ATP8B4: variants seen among roughly 807,000 people sequenced by gnomAD.
ATP8B4 encodes ATPase phospholipid transporting 8B4 (putative), also known as probable phospholipid-transporting ATPase IM.
A neutral mutation model predicts 145.6 loss-of-function variants in ATP8B4; 133 were observed. The ratio of observed to expected loss-of-function variants is 0.91; its 90% CI spans 0.79 to 1.05. The LOEUF (loss-of-function observed/expected upper bound fraction) is 1.05. Among genes scored for constraint, ATP8B4 ranks in the 50% least tolerant of loss-of-function variants. ATP8B4 has a pLI of 0.00. For missense variants in ATP8B4, 1,458 were observed against 1,425.2 expected, an observed-to-expected ratio of 1.02 and a Z score of -0.37; for synonymous variants, 507 against 492.9, an observed-to-expected ratio of 1.03 and a Z score of -0.38.
intron 1 of ATP8B4, among the ~76,000 whole-genome samples, chr15:50,111,221 C>A (rs1323931509): frequency 6.6e-6 from 1 of 152,128 alleles, no homozygotes; most frequent in South Asian, 2.1e-4. Context: ...GATCTGAGGC[C>A]GTTCAGCAGT....
chr15:50,073,013 TATATATACACAC>T (rs1298534449), intron 3 of ATP8B4, among the ~76,000 whole-genome samples: 453 of 40,578 alleles, frequency 0.011, 13 homozygotes, highest in African/African-American at 0.014. Context: ...TATATATATA[TATATATACACAC>T]ACACACACAC....
intron 3 of ATP8B4, among the ~76,000 whole-genome samples, chr15:50,067,748 C>T (rs1449201325): frequency 1.3e-5 from 2 of 152,100 alleles, no homozygotes; most frequent in Non-Finnish European, 2.9e-5. Flanking sequence ...GCAGGCACGT[C>T]CTGTAGCATG....
intron 2 of ATP8B4, among the ~76,000 whole-genome samples, chr15:50,105,255 GAA>G (rs35342585): frequency 0.48 from 56,350 of 117,222 alleles, 12,875 homozygotes; most frequent in Middle Eastern, 0.65. Flanking sequence ...ACTGAAATTT[GAA>G]AAAAAAAAAA....
At chr15:50,076,994 C>G (rs936054863) in intron 2 of ATP8B4, among the ~76,000 whole-genome samples, 8 of 152,202 alleles carry the variant, frequency 5.3e-5, no homozygotes, top group Admixed American at 4.6e-4. Flanking sequence ...GAAAACAAAT[C>G]CCCCATAACT....
At chr15:50,124,713 C>T (rs369463284) in intron 1 of ATP8B4, among the ~76,000 whole-genome samples, 60 of 152,266 alleles carry the variant, frequency 3.9e-4, no homozygotes, top group African/African-American at 1.4e-3. Context: ...CTGAATATCC[C>T]TTTCAGTGCA....
chr15:50,179,335 T>G (rs749749576), intron 1 of ATP8B4, among the ~76,000 whole-genome samples: 17 of 152,182 alleles, frequency 1.1e-4, no homozygotes, highest in Non-Finnish European at 2.4e-4. Flanking sequence ...GCAGCCAACG[T>G]GCTAAGCTAT....
chr15:50,129,025 G>A (rs569604915), intron 1 of ATP8B4, among the ~76,000 whole-genome samples: 10 of 152,194 alleles, frequency 6.6e-5, no homozygotes, highest in Admixed American at 5.2e-4. Context: ...CTGAGATCGC[G>A]TCATTGCACT....
In ATP8B4 at chr15:49,860,133, A is replaced by G; in HGVS notation, c.*61T>C. The G allele has an allele frequency of 2.6e-6, 4 of 1,528,004 alleles. No individual in the cohort carries two copies. The highest frequency in any genetic ancestry group is 3.5e-6 in the Non-Finnish European group (4 of 1,134,676). 94.7% of individuals were successfully genotyped at this position (1,528,004 alleles called of 1,614,324 possible). On this transcript the variant is annotated 3_prime_UTR_variant, in exon 28 of 28. Transcript: ENST00000284509. ...GCCTCAAATCTCAAACTCTGGAGCC[A>G]GCAGAATTTCAGCTCCACCTGAAGT...
chr15:49,879,593 C>T, intron 23 of ATP8B4, 134 bp from the exon 24 acceptor site: 2 of 698,926 alleles, frequency 2.9e-6, no homozygotes, highest in Non-Finnish European at 4.7e-6. Context: ...TGAATTCTTT[C>T]CTAGACCTGC....
chr15:49,873,258 C>T (rs948042800), intron 25 of ATP8B4, among the ~76,000 whole-genome samples: 11 of 152,164 alleles, frequency 7.2e-5, no homozygotes, highest in African/African-American at 2.7e-4. Context: ...TTCCTTATGT[C>T]TTCTAGCCCA....
chr15:50,006,585 C>CAA (rs965442112), intron 7 of ATP8B4, among the ~76,000 whole-genome samples: 1 of 150,666 alleles, frequency 6.6e-6, no homozygotes, highest in Non-Finnish European at 1.5e-5. Flanking sequence ...CAAGAAAGAG[C>CAA]AAAAGCCCAC....
At chr15:50,029,255 A>AAC (rs2050252121) in intron 6 of ATP8B4, among the ~76,000 whole-genome samples, 1 of 141,164 alleles carries the variant, frequency 7.1e-6, no homozygotes, top group Non-Finnish European at 1.6e-5. Context: ...AAAAAAAAAA[A>AAC]AACAGAAAAA....
chr15:49,883,874 T>C lies in ATP8B4; in HGVS notation c.2698-4415A>G, dbSNP rs73396951. Among the ~76,000 whole-genome samples, 232 of 152,300 alleles carry C rather than the reference T, an allele frequency of 1.5e-3. 2 individuals are homozygous for C. Among genetic ancestry groups the C allele is most frequent in the African/African-American group, 5.3e-3 (221 of 41,566 alleles). ...AGGGGATCCATAATGTCAAAACTAT[T>C]TTCACAATAATACAAAAAGTTATGT... is the stretch of plus-strand genomic sequence containing the variant. On this transcript the variant is annotated intron_variant, in intron 23 of 27. Coordinates refer to ENST00000284509, the MANE Select transcript of ATP8B4 (RefSeq NM_024837.4).
chr15:50,130,519 G>A lies in ATP8B4; in HGVS notation c.-42-23511C>T, dbSNP rs540628851. On this transcript the variant is annotated intron_variant, in intron 1 of 3. Transcript: ENST00000558829. Reference sequence around the variant, plus strand: ...TGGCTGGGTGCAGTGGCTTATGCCTGTAATCCCGGCAGTTTGGGAGGCTGA... The same window carrying A: ...TGGCTGGGTGCAGTGGCTTATGCCTATAATCCCGGCAGTTTGGGAGGCTGA... Among the ~76,000 whole-genome samples the A allele has an allele frequency of 8.9e-4, 135 of 152,216 alleles. 1 individual carries two copies. Among genetic ancestry groups the A allele is most frequent in the African/African-American group, 3.2e-3 (131 of 41,510 alleles).
At chr15:49,979,901 A>G in intron 11 of ATP8B4, 88 bp from the exon 12 acceptor site, 1 of 925,512 alleles carries the variant, frequency 1.1e-6, no homozygotes, top group South Asian at 2.4e-5. Context: ...TAACTCCAAG[A>G]AATAGTCATT....
chr15:50,055,863 A>G (rs754896141), intron 3 of ATP8B4, among the ~76,000 whole-genome samples: 30 of 152,198 alleles, frequency 2.0e-4, no homozygotes, highest in Non-Finnish European at 3.4e-4. Context: ...AAAGAACCCA[A>G]AAGAATGCAT....
intron 23 of ATP8B4, chr15:49,880,812 C>CT (rs2035263568): frequency 6.7e-6 from 1 of 148,316 alleles, no homozygotes. Flanking sequence ...TAACAACAGG[C>CT]TAAAAAAAAA....
At chr15:50,009,202 G>GAAC (rs1392356162) in intron 7 of ATP8B4, 20 of 152,314 alleles carry the variant, frequency 1.3e-4, no homozygotes, top group African/African-American at 4.3e-4. Flanking sequence ...TTTAATTAGG[G>GAAC]CAGATACTGT....
Position 49,901,154 on chromosome 15 carries a change from C to A in ATP8B4, c.2227G>T (p.Asp743Tyr). The change falls in exon 21 of 28, where the codon GAT becomes TAT. Residue 743 changes from aspartate (D) to tyrosine (Y), a missense_variant. Asp to Tyr is a radical substitution (Grantham distance 160). Transcript: ENST00000284509. ...VCEKKQQLELDSIVEETITGD... is the reference protein window; with the variant it reads ...VCEKKQQLELYSIVEETITGD... ...GTTATGGTTTCTTCTACAATAGAAT[C>A]CAACTCCAGCTGCTGCTTTTTTTCA... 1 of 1,613,586 alleles carries A rather than the reference C, an allele frequency of 6.2e-7. No individual in the cohort carries two copies. The highest frequency in any genetic ancestry group is 8.5e-7 in the Non-Finnish European group (1 of 1,179,640).
Sources: gnomAD v4.1 joint callset for allele counts (sites outside exome capture counted in the v4.1 genomes callset) on GRCh38, gnomAD v4.1.1 for gene constraint, MANE v1.5 for transcripts, NCBI Gene and HGNC (gene_info 2026-07-23, HGNC 2026-07-21) for gene names.